The following SEMA3D variants were observed in gnomAD, a reference collection of about 807,000 sequenced individuals.
SEMA3D encodes the protein semaphorin-3D.
In SEMA3D, 84 loss-of-function variants were observed where a neutral mutation model predicts 100.1. That is an observed-to-expected ratio of 0.84 (90% CI 0.70 to 1.01). The LOEUF (loss-of-function observed/expected upper bound fraction) is 1.01. Ranked by LOEUF, SEMA3D falls within the 50% of genes least tolerant of loss-of-function variation. SEMA3D has a pLI of 0.00. For synonymous variants in SEMA3D, 312 were observed against 320.7 expected, an observed-to-expected ratio of 0.97 and a Z score of 0.29; for missense variants, 875 against 934.1, an observed-to-expected ratio of 0.94 and a Z score of 0.82.
chr7:85,009,554 AT>A (rs778469389), intron 17 of SEMA3D, among the ~76,000 whole-genome samples: 14 of 150,432 alleles, frequency 9.3e-5, no homozygotes. Context: ...ACTCCAATCA[AT>A]TTTCTATACA....
chr7:85,026,435 A>G (rs1356940436), intron 12 of SEMA3D, among the ~76,000 whole-genome samples: 6 of 152,076 alleles, frequency 3.9e-5, no homozygotes, highest in Non-Finnish European at 8.8e-5. Flanking sequence ...ATTAATTAGG[A>G]AAGACTTGCT....
chr7:85,056,988 T>A (rs1791337910), intron 8 of SEMA3D, among the ~76,000 whole-genome samples: 1 of 150,224 alleles, frequency 6.7e-6, no homozygotes, highest in South Asian at 2.1e-4. Context: ...ATTAAGATAG[T>A]TATGGGGCTG....
intron 3 of SEMA3D, among the ~76,000 whole-genome samples, chr7:85,121,205 C>T (rs1789404587): frequency 6.6e-6 from 1 of 152,192 alleles, no homozygotes; most frequent in South Asian, 2.1e-4. Context: ...TTCATATAAA[C>T]TTTGCTTTTA....
chr7:85,033,858 T>TACACACACACACACACACACAC (rs71082183), intron 12 of SEMA3D, among the ~76,000 whole-genome samples: 6 of 141,190 alleles, frequency 4.2e-5, no homozygotes, highest in African/African-American at 1.6e-4. Context: ...ATCACACACA[T>TACACACACACACACACACACAC]ACACACACAC....
In SEMA3D at chr7:85,187,055, C is replaced by A. The variant is rs1791578254; in HGVS notation, c.-550G>T. On this transcript the variant is annotated 5_prime_UTR_variant, in exon 1 of 19. Transcript: ENST00000284136. Reference sequence around the variant, plus strand: ...CTGTCCTGGGAGAGACTCAGTCTTTCTAAAAAGAGGATGCTGAAAACGCCG... The same window carrying A: ...CTGTCCTGGGAGAGACTCAGTCTTTATAAAAAGAGGATGCTGAAAACGCCG... Among the ~76,000 whole-genome samples the A allele has an allele frequency of 1.3e-5, 2 of 152,078 alleles. No individual in the cohort carries two copies. The highest frequency in any genetic ancestry group is 1.3e-4 in the Admixed American group (2 of 15,268).
chr7:85,168,003 C>G (rs1247603285), intron 1 of SEMA3D, among the ~76,000 whole-genome samples: 1 of 151,832 alleles, frequency 6.6e-6, no homozygotes, highest in Non-Finnish European at 1.5e-5. Flanking sequence ...TAGGGGTACT[C>G]TATACTGTTC....
chr7:85,231,418 C>T, the SEMA3D span, among the ~76,000 whole-genome samples: 1 of 148,652 alleles, frequency 6.7e-6, no homozygotes. Context: ...CAACCCTTCT[C>T]GTAAAACCAA....
At chr7:85,082,055 T>C (rs897124015) in intron 4 of SEMA3D, among the ~76,000 whole-genome samples, 7 of 152,216 alleles carry the variant, frequency 4.6e-5, no homozygotes, top group African/African-American at 1.7e-4. Flanking sequence ...TTAACATGCT[T>C]GGAGCTCAGA....
intron 2 of SEMA3D, among the ~76,000 whole-genome samples, chr7:85,125,491 C>A (rs13240333): frequency 2.6e-4 from 40 of 152,210 alleles, no homozygotes; most frequent in African/African-American, 8.4e-4. Context: ...AGTTAAAAAT[C>A]AAAGCCCTGC....
intron 3 of SEMA3D, among the ~76,000 whole-genome samples, chr7:85,114,635 T>A (rs1789185665): frequency 6.6e-6 from 1 of 152,152 alleles, no homozygotes; most frequent in African/African-American, 2.4e-5. Flanking sequence ...ATTACCAGCC[T>A]TTGACATGCA....
At chr7:85,066,283 G>A (rs1791617705) in intron 7 of SEMA3D, among the ~76,000 whole-genome samples, 2 of 151,966 alleles carry the variant, frequency 1.3e-5, no homozygotes, top group Admixed American at 1.3e-4. Flanking sequence ...AAGAAGACAG[G>A]AGAAGGAAAG....
At chr7:85,212,601 T>C in the SEMA3D span, among the ~76,000 whole-genome samples, 5 of 151,994 alleles carry the variant, frequency 3.3e-5, no homozygotes, top group African/African-American at 1.2e-4. Flanking sequence ...CGTGTTTGTA[T>C]CATTAGATGT....
At chr7:85,098,006 A>G in intron 3 of SEMA3D, 41 bp from the exon 4 acceptor site, 1 of 1,106,056 alleles carries the variant, frequency 9.0e-7, no homozygotes, top group Non-Finnish European at 1.2e-6. Context: ...GAAAGAAAAA[A>G]GAAAGAAAGA....
chr7:85,013,768 C>T (rs1790023204), intron 16 of SEMA3D, among the ~76,000 whole-genome samples: 1 of 151,690 alleles, frequency 6.6e-6, no homozygotes, highest in Non-Finnish European at 1.5e-5. Flanking sequence ...TCTGAAAGAT[C>T]AGAGATACAG....
intron 1 of SEMA3D, among the ~76,000 whole-genome samples, chr7:85,162,825 G>A (rs562963588): frequency 2.6e-5 from 4 of 152,126 alleles, no homozygotes; most frequent in Non-Finnish European, 4.4e-5. Flanking sequence ...AGAACAGAAG[G>A]TTCCAGTAGC....
At chr7:85,002,871 G>T (rs1401414501) in intron 18 of SEMA3D, among the ~76,000 whole-genome samples, 1 of 152,106 alleles carries the variant, frequency 6.6e-6, no homozygotes, top group African/African-American at 2.4e-5. Context: ...AGCAGGTAAA[G>T]GTCAGGGACT....
At chr7:85,135,045 C>G (rs1380761081) in intron 2 of SEMA3D, among the ~76,000 whole-genome samples, 1 of 151,210 alleles carries the variant, frequency 6.6e-6, no homozygotes, top group Non-Finnish European at 1.5e-5. Flanking sequence ...CTAGAAAACC[C>G]CTGTGTGTAG....
At position 85,012,955 on chromosome 7, in the gene SEMA3D, T is replaced by C. The variant is rs965346011; in HGVS notation, c.1704-109A>G. On this transcript the variant is annotated intron_variant, in intron 16 of 18. Coordinates refer to ENST00000284136, the MANE Select transcript of SEMA3D (RefSeq NM_001384900.1). The stretch of plus-strand genomic sequence containing the variant: ...GGCAGATGCAGTACTATGCTTGTCT[T>C]ACAGTTCAACTTAAATGCAAGTCAA... 10 of 791,128 alleles carry C rather than the reference T, an allele frequency of 1.3e-5. 1 individual carries two copies. The Admixed American group carries it at 1.6e-4, about 13-fold the overall frequency. 49.0% of individuals were successfully genotyped at this position (791,128 alleles called of 1,614,324 possible). A position where few individuals can be genotyped will look rare whatever the true frequency, so the allele number is the denominator to read the frequency against.
intron 5 of SEMA3D, among the ~76,000 whole-genome samples, chr7:85,081,076 G>C (rs1443611947): frequency 2.0e-5 from 3 of 152,018 alleles, no homozygotes; most frequent in Non-Finnish European, 2.9e-5. Flanking sequence ...AATTCTTATA[G>C]ATATTTTAAG....
Sources: gnomAD v4.1 joint callset for allele counts (sites outside exome capture counted in the v4.1 genomes callset) on GRCh38, gnomAD v4.1.1 for gene constraint, MANE v1.5 for transcripts, NCBI Gene and HGNC (gene_info 2026-07-23, HGNC 2026-07-21) for gene names.